SYT14: variants seen among roughly 807,000 people sequenced by gnomAD.
The protein encoded by SYT14 is synaptotagmin-14.
Under a neutral mutation model 74.2 loss-of-function variants are expected in SYT14, and 32 were observed. That is an observed-to-expected ratio of 0.43 (90% confidence interval 0.33 to 0.58). The LOEUF (loss-of-function observed/expected upper bound fraction) is 0.58. SYT14 is among the 20% of genes least tolerant of loss of function. SYT14 has a pLI of 0.05. For missense variants in SYT14, 791 were observed against 981.8 expected (o/e 0.81, Z 2.60); for synonymous variants, 298 against 337.7 (o/e 0.88, Z 1.29).
At chr1:210,046,398 T>G (rs1255213975) in intron 5 of SYT14, among the ~76,000 whole-genome samples, 3 of 145,378 alleles carry the variant, frequency 2.1e-5, no homozygotes, top group African/African-American at 8.0e-5. Context: ...CAAAATTTAC[T>G]CATTTCAAGT....
At chr1:209,990,895 G>T (rs1025145485) in intron 2 of SYT14, among the ~76,000 whole-genome samples, 7 of 151,958 alleles carry the variant, frequency 4.6e-5, no homozygotes, top group African/African-American at 1.7e-4. Context: ...AAATTATACT[G>T]CAAGGTGTTA....
At chr1:209,961,207 A>G (rs1009666181) in intron 2 of SYT14, among the ~76,000 whole-genome samples, 2 of 152,114 alleles carry the variant, frequency 1.3e-5, no homozygotes, top group Non-Finnish European at 2.9e-5. Flanking sequence ...TTTTGGGAAC[A>G]TAGTAGAAAA....
chr1:209,943,960 C>T lies in SYT14; in HGVS notation c.-534+5683C>T, dbSNP rs980910785. Among the ~76,000 whole-genome samples the T allele has an allele frequency of 2.6e-5, 4 of 151,616 alleles. No individual in the cohort carries two copies. In the Admixed American group the frequency reaches 2.7e-4, roughly 10 times the overall value. ...TTTTAGAAGGGGGAAATAGTGACAA[C>T]TCAGGAAGCTGTTATTAGGAGTTTA... On this transcript the variant is annotated intron_variant, in intron 1 of 9. Transcript: ENST00000637265.
chr1:210,076,972 A>G (rs1259305970), intron 5 of SYT14, among the ~76,000 whole-genome samples: 1 of 152,096 alleles, frequency 6.6e-6, no homozygotes, highest in Non-Finnish European at 1.5e-5. Context: ...GGTTTCTTTC[A>G]CTTAGCATAG....
intron 1 of SYT14, among the ~76,000 whole-genome samples, chr1:209,945,695 A>T (rs1389365138): frequency 6.6e-6 from 1 of 152,194 alleles, no homozygotes. Flanking sequence ...AATTGTGGTG[A>T]TTTAGGCTAA....
At chr1:209,982,136 C>CA (rs1375746222) in intron 2 of SYT14, among the ~76,000 whole-genome samples, 1 of 151,968 alleles carries the variant, frequency 6.6e-6, no homozygotes, top group Non-Finnish European at 1.5e-5. Flanking sequence ...CCATATTTCT[C>CA]AAAGACTTGT....
chr1:210,058,122 A>T (rs780126797), intron 5 of SYT14, among the ~76,000 whole-genome samples: 102 of 152,304 alleles, frequency 6.7e-4, no homozygotes, highest in Non-Finnish European at 2.2e-4. Flanking sequence ...CGAAAGCTGG[A>T]ATAAAGAGGT....
intron 7 of SYT14, among the ~76,000 whole-genome samples, chr1:210,140,239 T>C (rs1009549234): frequency 6.6e-6 from 1 of 152,344 alleles, no homozygotes; most frequent in East Asian, 1.9e-4. Context: ...CATGTGCTTA[T>C]TGACCATTCG....
chr1:209,943,707 TTTTA>T (rs2078775880), intron 1 of SYT14, among the ~76,000 whole-genome samples: 1 of 152,118 alleles, frequency 6.6e-6, no homozygotes. Flanking sequence ...TTTTCATGAA[TTTTA>T]TTTCCATTTA....
chr1:210,097,850 A>C (rs1311209460), intron 6 of SYT14, among the ~76,000 whole-genome samples: 1 of 151,954 alleles, frequency 6.6e-6, no homozygotes, highest in Non-Finnish European at 1.5e-5. Context: ...TTTTTCCTGC[A>C]TACATTATAC....
intron 2 of SYT14, among the ~76,000 whole-genome samples, chr1:209,962,724 A>G (rs2102718865): frequency 6.6e-6 from 1 of 152,272 alleles, no homozygotes; most frequent in South Asian, 2.1e-4. Context: ...AATGAAGTTC[A>G]AGAGATAAAG....
At chr1:210,171,279 TA>T (rs2083523589) in exon 10 of SYT14, 1 of 152,208 alleles carries the variant, frequency 6.6e-6, no homozygotes, top group African/African-American at 2.4e-5. Flanking sequence ...TTTGGTGCTC[TA>T]AAACTGAAAG....
chr1:210,145,259 T>G (rs1263525872), intron 7 of SYT14, among the ~76,000 whole-genome samples: 1 of 152,190 alleles, frequency 6.6e-6, no homozygotes, highest in East Asian at 1.9e-4. Context: ...AAGACTTATC[T>G]ATCACTAGCA....
intron 7 of SYT14, among the ~76,000 whole-genome samples, chr1:210,137,240 C>T (rs1249158655): frequency 6.6e-6 from 1 of 152,086 alleles, no homozygotes; most frequent in African/African-American, 2.4e-5. Flanking sequence ...AAGGTAAACT[C>T]GTAGGACACA....
At chr1:210,129,051 C>T (rs538146069) in intron 7 of SYT14, among the ~76,000 whole-genome samples, 1 of 152,180 alleles carries the variant, frequency 6.6e-6, no homozygotes. Context: ...TAAAGAAGTA[C>T]AAATGAAATT....
Position 210,068,970 on chromosome 1 carries a change from A to G in SYT14, c.1313-25352A>G, listed in dbSNP as rs1272443069. Reference sequence around the variant, plus strand: ...TCAGTTGTATCCAACACATTTTAATATGCAATATCTTCATTTTTATTTGTT... The same window carrying G: ...TCAGTTGTATCCAACACATTTTAATGTGCAATATCTTCATTTTTATTTGTT... On this transcript the variant is annotated intron_variant, in intron 5 of 9. Transcript: ENST00000637265. Among the ~76,000 whole-genome samples the G allele has an allele frequency of 3.3e-5, 5 of 151,926 alleles. No homozygotes were observed. In the South Asian group the frequency reaches 6.2e-4, roughly 19 times the overall value.
exon 10 of SYT14, chr1:210,164,025 G>A (rs1191494586): frequency 2.2e-6 from 1 of 453,198 alleles, no homozygotes; most frequent in Non-Finnish European, 4.4e-6. Context: ...CTCTAAACCT[G>A]GAATTATGGG....
At chr1:210,017,109 C>T in intron 4 of SYT14, 3 of 1,228,776 alleles carry the variant, frequency 2.4e-6, no homozygotes, top group South Asian at 8.3e-5. Flanking sequence ...GGTGAGGTCT[C>T]CTAATGTTGG....
At chr1:210,063,246 A>G (rs2081238501) in intron 5 of SYT14, among the ~76,000 whole-genome samples, 2 of 151,684 alleles carry the variant, frequency 1.3e-5, no homozygotes, top group Admixed American at 6.6e-5. Context: ...TTTTGTTGCA[A>G]GAACTGAAGT....
Sources: allele counts gnomAD v4.1 joint callset (sites outside exome capture counted in the v4.1 genomes callset), GRCh38; gene constraint gnomAD v4.1.1; transcripts MANE v1.5; gene names NCBI Gene and HGNC (gene_info 2026-07-23, HGNC 2026-07-21).